Variants in AIG1 observed in about 807,000 individuals in gnomAD.
AIG1 encodes androgen-induced gene 1 protein.
Under a neutral mutation model 31.4 loss-of-function variants are expected in AIG1, and 23 were observed. The ratio of observed to expected loss-of-function variants is 0.73; its 90% CI spans 0.53 to 1.04. The LOEUF (loss-of-function observed/expected upper bound fraction) is 1.04, where lower values mean the gene tolerates loss of function less well. AIG1 is among the 50% of genes least tolerant of loss of function. The probability of loss-of-function intolerance (pLI) is 0.00; values close to 1 mark genes in which losing one functional copy is unlikely to be tolerated. For synonymous variants in AIG1, 100 were observed against 110.5 expected, an observed-to-expected ratio of 0.90 and a Z score of 0.60; for missense variants, 274 against 295.0, an observed-to-expected ratio of 0.93 and a Z score of 0.52.
At chr6:143,218,691 T>C (rs1792225940) in intron 3 of AIG1, among the ~76,000 whole-genome samples, 1 of 152,164 alleles carries the variant, frequency 6.6e-6, no homozygotes, top group Non-Finnish European at 1.5e-5. Flanking sequence ...TTCTTAAAAA[T>C]GGGCGTCACA....
At chr6:143,071,733 C>A (rs986681903) in intron 1 of AIG1, among the ~76,000 whole-genome samples, 1 of 150,044 alleles carries the variant, frequency 6.7e-6, no homozygotes, top group Non-Finnish European at 1.5e-5. Context: ...CTCCCTCTTT[C>A]TCCTCCCCCT....
intron 4 of AIG1, among the ~76,000 whole-genome samples, chr6:143,318,493 A>G (rs1775946471): frequency 6.6e-6 from 1 of 152,202 alleles, no homozygotes; most frequent in Non-Finnish European, 1.5e-5. Context: ...AAGATGGATC[A>G]AAGACTTAAA....
At chr6:143,289,752 G>C (rs886881067) in intron 4 of AIG1, among the ~76,000 whole-genome samples, 4 of 151,964 alleles carry the variant, frequency 2.6e-5, no homozygotes, top group Non-Finnish European at 4.4e-5. Flanking sequence ...GTAAGCCAGA[G>C]AAAAAATTCT....
chr6:143,296,334 T>C (rs1256227600), intron 4 of AIG1, among the ~76,000 whole-genome samples: 1 of 152,098 alleles, frequency 6.6e-6, no homozygotes, highest in Non-Finnish European at 1.5e-5. Context: ...ATAAAAACAT[T>C]CCACATAGAG....
At chr6:143,222,518 C>T (rs1328427567) in intron 3 of AIG1, among the ~76,000 whole-genome samples, 1 of 152,098 alleles carries the variant, frequency 6.6e-6, no homozygotes, top group Non-Finnish European at 1.5e-5. Flanking sequence ...TTCAGCTCTG[C>T]CACTGTCTGG....
Position 143,331,109 on chromosome 6 carries a change from C to T in AIG1, c.516-2173C>T, listed in dbSNP as rs1777035590. On this transcript the variant is annotated intron_variant, in intron 4 of 5. Transcript: ENST00000357847. This position sits in a 1 kb window ranked among gnomAD's most constrained non-coding sequence, Gnocchi z 4.1. ...TTGTTCCTCAATCTTTCTTTCATTA[C>T]TACTTCCCTCTACCAAGGAACCTTT... 6.6e-6 allele frequency among the ~76,000 whole-genome samples: 1 copy of T among 151,872 alleles called. No individual in the cohort carries two copies. The highest frequency in any genetic ancestry group is 2.1e-4 in the South Asian group (1 of 4,814).
chr6:143,243,619 T>C (rs1476413939), intron 3 of AIG1, among the ~76,000 whole-genome samples: 1 of 152,200 alleles, frequency 6.6e-6, no homozygotes, highest in Non-Finnish European at 1.5e-5. Context: ...CTTGTACATT[T>C]TATTTGGCAG....
intron 2 of AIG1, among the ~76,000 whole-genome samples, chr6:143,149,825 C>T (rs182014376): frequency 5.1e-4 from 78 of 152,300 alleles, no homozygotes; most frequent in African/African-American, 1.8e-3. Context: ...GTTTACCCAA[C>T]GTGCTTGTTT....
intron 3 of AIG1, among the ~76,000 whole-genome samples, chr6:143,216,202 T>C (rs553047899): frequency 1.3e-5 from 2 of 152,338 alleles, no homozygotes; most frequent in South Asian, 4.1e-4. Context: ...CTTTCTCCCT[T>C]AATTGATCCT....
intron 3 of AIG1, among the ~76,000 whole-genome samples, chr6:143,208,024 T>G (rs1791262219): frequency 6.6e-6 from 1 of 152,186 alleles, no homozygotes; most frequent in South Asian, 2.1e-4. Flanking sequence ...TAATTGGCTG[T>G]AACTCAGTAT....
At chr6:143,248,888 T>C (rs1794791552) in intron 3 of AIG1, among the ~76,000 whole-genome samples, 1 of 152,150 alleles carries the variant, frequency 6.6e-6, no homozygotes, top group African/African-American at 2.4e-5. Flanking sequence ...TTTTAAACAT[T>C]TTTCAAAAAA....
At chr6:143,187,501 CACTT>C (rs1304893477) in intron 3 of AIG1, 7 of 1,534,756 alleles carry the variant, frequency 4.6e-6, no homozygotes, top group Admixed American at 2.0e-5. Context: ...TGCACAAAAT[CACTT>C]ACCACATTTT....
At chr6:143,107,498 A>G (rs1160629198) in intron 1 of AIG1, among the ~76,000 whole-genome samples, 1 of 152,204 alleles carries the variant, frequency 6.6e-6, no homozygotes, top group African/African-American at 2.4e-5. Flanking sequence ...ACTATAAGTG[A>G]AAATGTAGGT....
intron 3 of AIG1, among the ~76,000 whole-genome samples, chr6:143,238,385 T>C (rs1406099354): frequency 2.0e-5 from 3 of 152,240 alleles, no homozygotes; most frequent in Admixed American, 2.0e-4. Context: ...GAATCCATTA[T>C]AGAGAAAGAC....
rs369165774 is a variant in AIG1, at chr6:143,094,680, G to A, written c.141+33614G>A. 4.2e-4 allele frequency among the ~76,000 whole-genome samples: 64 copies of A among 151,618 alleles called. No individual in the cohort carries two copies. In the South Asian group the frequency reaches 0.011, roughly 26 times the overall value. On this transcript the variant is annotated intron_variant, in intron 1 of 5. Coordinates refer to ENST00000357847, the MANE Select transcript of AIG1 (RefSeq NM_016108.4). ...AAAAGTGACCCCTAGATAAGTCTCCGTATCCTATCTATTGAAAAATATTAA... is the reference window on the plus strand; with the variant it reads ...AAAAGTGACCCCTAGATAAGTCTCCATATCCTATCTATTGAAAAATATTAA...
At chr6:143,171,284 T>C (rs1423558607) in intron 3 of AIG1, among the ~76,000 whole-genome samples, 2 of 150,562 alleles carry the variant, frequency 1.3e-5, no homozygotes, top group Non-Finnish European at 3.0e-5. Context: ...ATTGAGAACA[T>C]AATGATGTTT....
chr6:143,226,971 C>T (rs905435647), intron 3 of AIG1, among the ~76,000 whole-genome samples: 1 of 145,192 alleles, frequency 6.9e-6, no homozygotes, highest in Non-Finnish European at 1.5e-5. Flanking sequence ...TTTCTTAAAA[C>T]ATTGAGTTTT....
At chr6:143,310,767 A>G (rs1322615586) in intron 4 of AIG1, among the ~76,000 whole-genome samples, 1 of 151,702 alleles carries the variant, frequency 6.6e-6, no homozygotes, top group Non-Finnish European at 1.5e-5. Flanking sequence ...GAGGAATCCC[A>G]CTACTGAGCC....
chr6:143,182,275 C>T (rs1788801727), intron 3 of AIG1, among the ~76,000 whole-genome samples: 1 of 152,206 alleles, frequency 6.6e-6, no homozygotes, highest in Non-Finnish European at 1.5e-5. Context: ...CTCAAGCAAT[C>T]CTCCTGCCTC....
Sources: gnomAD v4.1 joint callset for allele counts (sites outside exome capture counted in the v4.1 genomes callset) on GRCh38, gnomAD v4.1.1 for gene constraint, Gnocchi (gnomAD v3.1) non-coding constraint, MANE v1.5 for transcripts, NCBI Gene and HGNC (gene_info 2026-07-23, HGNC 2026-07-21) for gene names.